Variants in SH3BP4 observed in about 807,000 individuals in gnomAD.
SH3BP4 encodes the protein SH3 domain binding protein 4.
SH3BP4 carries 33 observed loss-of-function variants against 65.5 expected under a neutral mutation model. The observed-to-expected ratio is 0.50, with a 90% CI of 0.38 to 0.67. The LOEUF is 0.67. Among genes scored for constraint, SH3BP4 ranks in the 30% least tolerant of loss-of-function variants. The pLI, the probability that SH3BP4 is intolerant of heterozygous loss-of-function variation, is 0.00. For missense variants in SH3BP4, 1,134 were observed against 1,261.4 expected (o/e 0.90, Z 1.53); for synonymous variants, 552 against 545.5 (o/e 1.01, Z -0.17).
At chr2:235,022,312 C>T (rs537631277) in intron 2 of SH3BP4, among the ~76,000 whole-genome samples, 3 of 152,054 alleles carry the variant, frequency 2.0e-5, no homozygotes, top group East Asian at 1.9e-4. Flanking sequence ...CCAGCAGTTT[C>T]GGAGGCCGAG....
At chr2:235,003,507 G>C (rs768677339) in intron 2 of SH3BP4, among the ~76,000 whole-genome samples, 1 of 152,232 alleles carries the variant, frequency 6.6e-6, no homozygotes, top group African/African-American at 2.4e-5. Flanking sequence ...CTGAGAAGCA[G>C]ATTCCCATTT....
chr2:235,016,918 C>T (rs1284113760), intron 2 of SH3BP4, among the ~76,000 whole-genome samples: 2 of 152,126 alleles, frequency 1.3e-5, no homozygotes, highest in African/African-American at 4.8e-5. Context: ...ATGGGGATGC[C>T]ACTTGACACT....
At chr2:235,015,737 G>A (rs74696903) in intron 2 of SH3BP4, among the ~76,000 whole-genome samples, 27,987 of 152,174 alleles carry the variant, frequency 0.18, 2,978 homozygotes, top group East Asian at 0.42. Context: ...GGGGCTGGCT[G>A]AGAACAGATA....
intron 1 of SH3BP4, among the ~76,000 whole-genome samples, chr2:234,990,234 G>T (rs1414932687): frequency 1.3e-5 from 2 of 152,118 alleles, no homozygotes; most frequent in African/African-American, 4.8e-5. Flanking sequence ...TTGTAGTTTG[G>T]TTCTACTGAC....
At chr2:235,013,184 G>A (rs1372166818) in intron 2 of SH3BP4, among the ~76,000 whole-genome samples, 2 of 152,222 alleles carry the variant, frequency 1.3e-5, no homozygotes, top group Non-Finnish European at 2.9e-5. Context: ...GGCACATCTG[G>A]CCAGCGTGGG....
chr2:234,969,135 A>G (rs1416709448), intron 1 of SH3BP4, among the ~76,000 whole-genome samples: 2 of 152,222 alleles, frequency 1.3e-5, no homozygotes, highest in African/African-American at 4.8e-5. Flanking sequence ...CCCCGTAGCC[A>G]CAGGGGAGCT....
At chr2:235,025,852 A>G (rs1257501588) in intron 2 of SH3BP4, among the ~76,000 whole-genome samples, 1 of 152,180 alleles carries the variant, frequency 6.6e-6, no homozygotes, top group Non-Finnish European at 1.5e-5. Flanking sequence ...TGTTATAGAA[A>G]TGGGGAGCCC....
chr2:235,023,232 G>A (rs1356254855), intron 2 of SH3BP4, among the ~76,000 whole-genome samples: 1 of 152,044 alleles, frequency 6.6e-6, no homozygotes, highest in Non-Finnish European at 1.5e-5. Context: ...CTGGAATCAA[G>A]GCCTCATATT....
In SH3BP4 at chr2:234,997,760, A is replaced by G. The variant is rs1465820872; in HGVS notation, c.-133+2384A>G. Reference sequence around the variant, plus strand: ...GAACACCCTGCCTGTTTCACAGATGAGAAACTCATCTCAGAGTACTCAGAA... The same window carrying G: ...GAACACCCTGCCTGTTTCACAGATGGGAAACTCATCTCAGAGTACTCAGAA... On this transcript the variant is annotated intron_variant, in intron 2 of 5. Transcript: ENST00000392011. The surrounding 1 kb of genome is among the most constrained non-coding windows in gnomAD (Gnocchi z 4.2). Among the ~76,000 whole-genome samples, 1 of 152,186 alleles carries G rather than the reference A, an allele frequency of 6.6e-6. No individual in the cohort carries two copies.
chr2:234,985,657 G>C (rs1693528875), intron 1 of SH3BP4, among the ~76,000 whole-genome samples: 2 of 152,210 alleles, frequency 1.3e-5, no homozygotes, highest in African/African-American at 4.8e-5. Context: ...TGTTTTGACT[G>C]TCTGTTTGTA....
chr2:234,962,385 G>A (rs938240213), intron 1 of SH3BP4, among the ~76,000 whole-genome samples: 5 of 152,032 alleles, frequency 3.3e-5, no homozygotes, highest in Non-Finnish European at 7.4e-5. Context: ...TGATCTGCCC[G>A]CCTTGGCCTC....
chr2:234,959,685 A>C (rs1574771593), intron 1 of SH3BP4, among the ~76,000 whole-genome samples: 1 of 137,380 alleles, frequency 7.3e-6, no homozygotes, highest in Non-Finnish European at 1.5e-5. Flanking sequence ...ACGGAATCTC[A>C]CTCTTGCCCA....
Position 235,042,264 on chromosome 2 carries a change from T to A in SH3BP4, c.1495T>A (p.Cys499Ser). The A allele has an allele frequency of 2.5e-6, 4 of 1,614,142 alleles. No individual in the cohort carries two copies. Among genetic ancestry groups the A allele is most frequent in the Non-Finnish European group, 3.4e-6 (4 of 1,180,016 alleles). Reference sequence around the variant, plus strand: ...GGTAGTGACCATTTTTGGGCATGACTGTGCCCCAAAGACGCTCCTGGTCAG... The same window carrying A: ...GGTAGTGACCATTTTTGGGCATGACAGTGCCCCAAAGACGCTCCTGGTCAG... ...KTVVTIFGHD[C>S]APKTLLVSEV... Residue 499 changes from cysteine (C) to serine (S), a missense_variant, in exon 4 of 6, where the codon TGT becomes AGT. Physicochemically the swap from Cys to Ser is moderately radical, Grantham distance 112. Coordinates refer to ENST00000392011, the MANE Select transcript of SH3BP4 (RefSeq NM_014521.3). This position sits in a 1 kb window ranked among gnomAD's most constrained non-coding sequence, Gnocchi z 7.3.
chr2:235,053,393 C>T (rs1696124696), intron 5 of SH3BP4, among the ~76,000 whole-genome samples, 199 bp from the exon 6 acceptor site: 2 of 152,204 alleles, frequency 1.3e-5, no homozygotes, highest in Admixed American at 1.3e-4. Flanking sequence ...GCACAAAGCC[C>T]TGCTTTTCCC....
chr2:234,996,223 G>C (rs567138894), intron 2 of SH3BP4, among the ~76,000 whole-genome samples: 1 of 152,298 alleles, frequency 6.6e-6, no homozygotes, highest in Admixed American at 6.5e-5. Context: ...TTGAGAAGCC[G>C]CAGCTCACAG....
At chr2:235,011,125 C>T (rs1375082473) in intron 2 of SH3BP4, among the ~76,000 whole-genome samples, 1 of 83,966 alleles carries the variant, frequency 1.2e-5, no homozygotes, top group East Asian at 5.6e-4. Context: ...AACCCTTCCT[C>T]CCTCTCCTAG....
At chr2:234,968,023 G>A (rs1003837068) in intron 1 of SH3BP4, among the ~76,000 whole-genome samples, 5 of 152,160 alleles carry the variant, frequency 3.3e-5, no homozygotes, top group Admixed American at 2.6e-4. Flanking sequence ...CCCTTGCTCA[G>A]GTGAGGGCGA....
chr2:235,052,615 T>G lies in SH3BP4; in HGVS notation c.2532T>G (p.Phe844Leu). 1 of 1,561,674 alleles carries G rather than the reference T, an allele frequency of 6.4e-7. No homozygotes were observed. The highest frequency in any genetic ancestry group is 8.7e-7 in the Non-Finnish European group (1 of 1,153,282). Reference sequence around the variant, plus strand: ...TGGTGGTCAGACTCATCCAGGACTTTGTGCTCCTGACCACGGCTGTAGAGG... The same window carrying G: ...TGGTGGTCAGACTCATCCAGGACTTGGTGCTCCTGACCACGGCTGTAGAGG... ...QGLVVRLIQD[F>L]VLLTTAVEVA... Residue 844 changes from phenylalanine to leucine, a missense_variant, in exon 5 of 6, where the codon TTT becomes TTG. By Grantham distance (22) the Phe-to-Leu change is conservative. Coordinates refer to ENST00000392011, the MANE Select transcript of SH3BP4 (RefSeq NM_014521.3). The surrounding 1 kb of genome is among the most constrained non-coding windows in gnomAD (Gnocchi z 5.0).
intron 2 of SH3BP4, among the ~76,000 whole-genome samples, chr2:235,015,179 C>G (rs887321738): frequency 7.9e-5 from 12 of 152,216 alleles, no homozygotes; most frequent in Admixed American, 3.9e-4. Flanking sequence ...TAATGAAGCA[C>G]CTGTTAACCC....
Sources: allele counts gnomAD v4.1 joint callset (sites outside exome capture counted in the v4.1 genomes callset), GRCh38; gene constraint gnomAD v4.1.1; non-coding constraint Gnocchi (gnomAD v3.1); transcripts MANE v1.5; gene names NCBI Gene and HGNC (gene_info 2026-07-23, HGNC 2026-07-21).